The following SNTG2 variants were observed in gnomAD, a reference collection of about 807,000 sequenced individuals.
SNTG2 encodes syntrophin gamma 2.
In SNTG2, 74 loss-of-function variants were observed where a neutral mutation model predicts 70.9. The observed-to-expected ratio is 1.04, with a 90% CI of 0.86 to 1.27. The LOEUF (loss-of-function observed/expected upper bound fraction) is 1.27, where lower values mean the gene tolerates loss of function less well. Ranked by LOEUF, SNTG2 falls within the 50% of genes most tolerant of loss-of-function variation. SNTG2 has a pLI of 0.00. For synonymous variants in SNTG2, 278 were observed against 273.8 expected (o/e 1.02, Z -0.15); for missense variants, 717 against 690.7 (o/e 1.04, Z -0.43).
At chr2:1,203,125 T>C (rs1457357758) in intron 8 of SNTG2, among the ~76,000 whole-genome samples, 4 of 152,232 alleles carry the variant, frequency 2.6e-5, no homozygotes, top group African/African-American at 7.2e-5. Context: ...TTTCTTTTCA[T>C]GTGAGCATGG....
intron 14 of SNTG2, among the ~76,000 whole-genome samples, chr2:1,301,541 A>G (rs1256912288): frequency 6.6e-6 from 1 of 152,212 alleles, no homozygotes; most frequent in East Asian, 1.9e-4. Context: ...GATCCTTACA[A>G]TTAAGCTCAT....
Position 961,231 on chromosome 2 carries a change from G to A in SNTG2, c.72+10163G>A, listed in dbSNP as rs142217758. The stretch of plus-strand genomic sequence containing the variant: ...ATTTTATTTTTTTATTTTTGAGACG[G>A]TGTCTTGCTCTGTTACCCAGGCTGG... On this transcript the variant is annotated intron_variant, in intron 1 of 16. Transcript: ENST00000308624. Among the ~76,000 whole-genome samples, 1,478 of 152,272 alleles carry A rather than the reference G, an allele frequency of 9.7e-3. 33 individuals carry two copies. Among genetic ancestry groups the A allele is most frequent in the African/African-American group, 0.034 (1,410 of 41,542 alleles).
At chr2:1,354,128 G>A (rs868807262) in intron 16 of SNTG2, among the ~76,000 whole-genome samples, 2 of 152,154 alleles carry the variant, frequency 1.3e-5, no homozygotes, top group African/African-American at 2.4e-5. Flanking sequence ...TTCAGCCACC[G>A]TTAAATATTA....
At chr2:1,208,154 G>A (rs1329684585) in intron 8 of SNTG2, among the ~76,000 whole-genome samples, 1 of 152,176 alleles carries the variant, frequency 6.6e-6, no homozygotes, top group African/African-American at 2.4e-5. Context: ...GGTGCTTCCC[G>A]TGGACACTGA....
chr2:1,337,172 T>C (rs992258797), intron 16 of SNTG2, among the ~76,000 whole-genome samples: 1 of 152,236 alleles, frequency 6.6e-6, no homozygotes, highest in South Asian at 2.1e-4. Flanking sequence ...AAATATCTGC[T>C]TGAGTCCCTG....
chr2:983,939 C>A (rs1661215496), intron 1 of SNTG2, among the ~76,000 whole-genome samples: 1 of 152,166 alleles, frequency 6.6e-6, no homozygotes, highest in Non-Finnish European at 1.5e-5. Flanking sequence ...AGCATGGCCT[C>A]TGAGATGTCT....
rs547987992 is a variant in SNTG2 at position 1,189,522 on chromosome 2, G to A, written c.591+16339G>A. Among the ~76,000 whole-genome samples, 10 of 151,840 alleles carry A rather than the reference G, an allele frequency of 6.6e-5. No homozygotes were observed. The South Asian group carries it at 1.3e-3, about 19-fold the overall frequency. ...GACAGCATTCAGGATCACGTGAAAT[G>A]ACCAACTGAAACACAATAGAGGAAA... On this transcript the variant is annotated intron_variant, in intron 8 of 16. Transcript: ENST00000308624.
intron 1 of SNTG2, among the ~76,000 whole-genome samples, chr2:1,023,424 A>G (rs538123329): frequency 6.6e-6 from 1 of 152,012 alleles, no homozygotes; most frequent in East Asian, 1.9e-4. Flanking sequence ...TTTTATTTAA[A>G]TTTTCTGCAG....
At chr2:1,239,717 T>A in intron 10 of SNTG2, 21 bp from the exon 11 acceptor site, 1 of 1,612,628 alleles carries the variant, frequency 6.2e-7, no homozygotes, top group Non-Finnish European at 8.5e-7. Context: ...TGGCCCTGAC[T>A]CTTCTGCCTT....
At chr2:1,007,052 TAA>T (rs563150655) in intron 1 of SNTG2, among the ~76,000 whole-genome samples, 56,447 of 151,598 alleles carry the variant, frequency 0.37, 11,061 homozygotes, top group Middle Eastern at 0.52. Flanking sequence ...AATAAATAAA[TAA>T]ATAAATGTGT....
intron 8 of SNTG2, among the ~76,000 whole-genome samples, chr2:1,207,306 T>C (rs1001953198): frequency 3.3e-5 from 5 of 152,172 alleles, no homozygotes; most frequent in African/African-American, 1.2e-4. Context: ...CAGCTCAGAG[T>C]TCAAATGTTC....
At chr2:1,093,702 T>G (rs75121930) in intron 2 of SNTG2, among the ~76,000 whole-genome samples, 2,023 of 152,382 alleles carry the variant, frequency 0.013, 54 homozygotes, top group African/African-American at 0.046. Context: ...ACTAACCACC[T>G]TGGTATTTTT....
At chr2:1,196,224 G>A (rs1558517629) in intron 8 of SNTG2, among the ~76,000 whole-genome samples, 1 of 151,960 alleles carries the variant, frequency 6.6e-6, no homozygotes. Context: ...CTCAATGGAT[G>A]ATATAAAAAA....
intron 9 of SNTG2, among the ~76,000 whole-genome samples, chr2:1,231,260 C>T (rs988250884): frequency 2.0e-5 from 3 of 151,944 alleles, no homozygotes; most frequent in East Asian, 2.0e-4. Flanking sequence ...AGGGTAACTG[C>T]GGGGGTGAAA....
chr2:1,222,487 AGTGGT>A (rs1558555405), intron 9 of SNTG2, among the ~76,000 whole-genome samples: 14 of 140,152 alleles, frequency 1.0e-4, no homozygotes, highest in East Asian at 4.3e-4. Flanking sequence ...TGTAGAGGAA[AGTGGT>A]GCAGTGATGG....
intron 14 of SNTG2, among the ~76,000 whole-genome samples, chr2:1,274,572 C>T (rs1266527686): frequency 6.6e-6 from 1 of 152,146 alleles, no homozygotes; most frequent in Non-Finnish European, 1.5e-5. Context: ...CTTACCCTTC[C>T]ACCCTCGATC....
intron 9 of SNTG2, among the ~76,000 whole-genome samples, chr2:1,221,451 C>CTCTGCCTCTGCCTCTCTCTG (rs1674821745): frequency 2.2e-4 from 29 of 129,066 alleles, no homozygotes; most frequent in Non-Finnish European, 3.4e-4. Context: ...CTGTCTCTGT[C>CTCTGCCTCTGCCTCTCTCTG]TCTCTCTGTC....
chr2:1,066,325 T>C (rs1558359324), intron 1 of SNTG2, among the ~76,000 whole-genome samples: 1 of 152,062 alleles, frequency 6.6e-6, no homozygotes, highest in Non-Finnish European at 1.5e-5. Context: ...GCAGCCCAAC[T>C]CATTCAACTT....
chr2:1,319,599 G>A (rs1333819725), intron 16 of SNTG2, among the ~76,000 whole-genome samples: 6 of 152,306 alleles, frequency 3.9e-5, no homozygotes, highest in Non-Finnish European at 1.5e-5. Context: ...CGTCGCTTGG[G>A]CCCCTCAGCT....
Sources: gnomAD v4.1 joint callset for allele counts (sites outside exome capture counted in the v4.1 genomes callset) on GRCh38, gnomAD v4.1.1 for gene constraint, MANE v1.5 for transcripts, NCBI Gene and HGNC (gene_info 2026-07-23, HGNC 2026-07-21) for gene names.